Variants in BBOX1 observed in about 807,000 individuals in gnomAD.
BBOX1 encodes the protein gamma-butyrobetaine hydroxylase 1.
A neutral mutation model predicts 41.6 loss-of-function variants in BBOX1; 35 were observed. The observed-to-expected ratio is 0.84, with a 90% confidence interval of 0.64 to 1.11. The LOEUF (loss-of-function observed/expected upper bound fraction) is 1.11, where lower values mean the gene tolerates loss of function less well. BBOX1 is among the 50% of genes most tolerant of loss of function. The pLI, the probability that BBOX1 is intolerant of heterozygous loss-of-function variation, is 0.00. For missense variants in BBOX1, 458 were observed against 460.6 expected (o/e 0.99, Z 0.05); for synonymous variants, 163 against 154.7 (o/e 1.05, Z -0.40).
At chr11:27,115,421 T>C in intron 5 of BBOX1, 31 bp from the exon 6 acceptor site, 5 of 1,558,400 alleles carry the variant, frequency 3.2e-6, no homozygotes, top group Non-Finnish European at 4.4e-6. Context: ...AGTGACAACC[T>C]GTTTAAACAT....
intron 4 of BBOX1, among the ~76,000 whole-genome samples, chr11:27,061,111 T>A (rs978761578): frequency 2.6e-5 from 4 of 152,190 alleles, no homozygotes; most frequent in South Asian, 2.1e-4. Flanking sequence ...TCCTTCAAGT[T>A]CTCCTTTTGA....
intron 4 of BBOX1, among the ~76,000 whole-genome samples, chr11:27,082,271 G>C (rs1857869321): frequency 6.6e-6 from 1 of 152,084 alleles, no homozygotes; most frequent in Non-Finnish European, 1.5e-5. Context: ...CACAGAATTA[G>C]GGTTTAAAAG....
chr11:27,086,644 T>G lies in BBOX1; in HGVS notation c.335-6524T>G, dbSNP rs532078597. ...ATGCCTGCTAACGCAACATTCATTC[T>G]GCAGCCCAGGGAGCAAGGAGTCATT... On this transcript the variant is annotated intron_variant, in intron 4 of 8. Transcript: ENST00000263182. Among the ~76,000 whole-genome samples, 10 of 152,286 alleles carry G rather than the reference T, an allele frequency of 6.6e-5. No homozygotes were observed. In the South Asian group the frequency reaches 1.9e-3, roughly 28 times the overall value.
chr11:27,099,010 T>G (rs1858546725), intron 5 of BBOX1, among the ~76,000 whole-genome samples: 1 of 151,890 alleles, frequency 6.6e-6, no homozygotes, highest in South Asian at 2.1e-4. Context: ...GACACACAAT[T>G]ACGTCTCAGG....
At chr11:27,094,837 T>G (rs1858379054) in intron 5 of BBOX1, among the ~76,000 whole-genome samples, 1 of 152,014 alleles carries the variant, frequency 6.6e-6, no homozygotes. Flanking sequence ...GTATAAAATT[T>G]GTATCTCCCT....
At chr11:27,121,852 C>A (rs1265524288) in intron 7 of BBOX1, among the ~76,000 whole-genome samples, 2 of 152,092 alleles carry the variant, frequency 1.3e-5, no homozygotes, top group African/African-American at 4.8e-5. Flanking sequence ...GGCTAGTGAA[C>A]AGAGGCAAGA....
intron 4 of BBOX1, among the ~76,000 whole-genome samples, chr11:27,085,095 G>A (rs1857986058): frequency 6.6e-6 from 1 of 152,096 alleles, no homozygotes; most frequent in Admixed American, 6.6e-5. Flanking sequence ...GTTGGGGGAA[G>A]ATAAGAAAAT....
chr11:27,120,029 T>C (rs1859409109), intron 7 of BBOX1, among the ~76,000 whole-genome samples, 184 bp downstream of exon 7: 1 of 152,136 alleles, frequency 6.6e-6, no homozygotes, highest in Admixed American at 6.6e-5. Flanking sequence ...ACATAAAATT[T>C]ATCCCTAATC....
At chr11:27,041,821 C>T (rs879689553) in intron 2 of BBOX1, among the ~76,000 whole-genome samples, 12 of 152,146 alleles carry the variant, frequency 7.9e-5, no homozygotes, top group Non-Finnish European at 1.3e-4. Flanking sequence ...ACAGAGAGAA[C>T]GCTGTCTAAA....
intron 4 of BBOX1, among the ~76,000 whole-genome samples, chr11:27,077,126 C>T (rs976201152): frequency 3.3e-5 from 5 of 152,066 alleles, no homozygotes; most frequent in African/African-American, 9.7e-5. Flanking sequence ...GATTATATCC[C>T]GAATTTCAGT....
intron 4 of BBOX1, among the ~76,000 whole-genome samples, chr11:27,081,414 T>C (rs752330405): frequency 6.6e-6 from 1 of 152,094 alleles, no homozygotes; most frequent in Non-Finnish European, 1.5e-5. Context: ...CATAGTATTC[T>C]ATAGTGCATA....
intron 4 of BBOX1, among the ~76,000 whole-genome samples, chr11:27,087,946 C>T (rs374642856): frequency 1.3e-5 from 2 of 151,910 alleles, no homozygotes; most frequent in African/African-American, 2.4e-5. Flanking sequence ...GACTATGCTG[C>T]CTATTGTATT....
chr11:27,078,896 G>C (rs1042218112), intron 4 of BBOX1, among the ~76,000 whole-genome samples: 3 of 152,124 alleles, frequency 2.0e-5, no homozygotes. Context: ...ATGCCTATTA[G>C]CCTTGGGAGA....
At chr11:27,083,492 T>C (rs1356922467) in intron 4 of BBOX1, among the ~76,000 whole-genome samples, 1 of 152,066 alleles carries the variant, frequency 6.6e-6, no homozygotes, top group Non-Finnish European at 1.5e-5. Flanking sequence ...ATCTTCCCAC[T>C]GTCCCTCCTA....
intron 4 of BBOX1, among the ~76,000 whole-genome samples, chr11:27,072,809 A>G (rs180958556): frequency 8.2e-4 from 125 of 152,348 alleles, no homozygotes; most frequent in Non-Finnish European, 1.4e-3. Context: ...TGACAAAAAT[A>G]AGAAATGGGG....
chr11:27,056,841 G>A (rs999616688), intron 3 of BBOX1, among the ~76,000 whole-genome samples: 2 of 151,504 alleles, frequency 1.3e-5, no homozygotes, highest in African/African-American at 4.8e-5. Context: ...GCTGAGGCGG[G>A]CGCATCACAA....
intron 4 of BBOX1, among the ~76,000 whole-genome samples, chr11:27,077,505 T>C (rs1414729965): frequency 6.6e-6 from 1 of 151,956 alleles, no homozygotes; most frequent in African/African-American, 2.4e-5. Flanking sequence ...AGTTTTCCTA[T>C]TAAGTTCCTG....
intron 6 of BBOX1, among the ~76,000 whole-genome samples, chr11:27,118,210 C>T (rs1031891867): frequency 6.6e-6 from 1 of 151,960 alleles, no homozygotes; most frequent in Non-Finnish European, 1.5e-5. Flanking sequence ...CTGTACCTGT[C>T]TCCAGCAAAT....
chr11:27,071,237 C>A (rs1857436686), intron 4 of BBOX1, among the ~76,000 whole-genome samples: 1 of 151,836 alleles, frequency 6.6e-6, no homozygotes, highest in African/African-American at 2.4e-5. Flanking sequence ...AAAAAATTAG[C>A]CAGGCATGGT....
Sources: allele counts gnomAD v4.1 joint callset (sites outside exome capture counted in the v4.1 genomes callset), GRCh38; gene constraint gnomAD v4.1.1; transcripts MANE v1.5; gene names NCBI Gene and HGNC (gene_info 2026-07-23, HGNC 2026-07-21).